The following CIMIP3 variants were observed in gnomAD, a reference collection of about 807,000 sequenced individuals.
CIMIP3 encodes the protein ciliary microtubule inner protein 3.
the CIMIP3 span, chr6:42,155,725 G>A: frequency 1.5e-6 from 1 of 688,676 alleles, no homozygotes; most frequent in Middle Eastern, 2.9e-4. Flanking sequence ...CCTCCATCTT[G>A]CTTCCTCTGC....
At chr6:42,155,579 A>T in the CIMIP3 span, 1 of 717,024 alleles carries the variant, frequency 1.4e-6, no homozygotes, top group African/African-American at 1.8e-5. Flanking sequence ...CCAGCCTCAC[A>T]TGTGCGGCTG....
chr6:42,155,523 G>T, the CIMIP3 span: 2 of 717,310 alleles, frequency 2.8e-6, no homozygotes, highest in Non-Finnish European at 5.2e-6. Flanking sequence ...GGTCAGCTCG[G>T]GGTCACAAGA....
the CIMIP3 span, among the ~76,000 whole-genome samples, chr6:42,160,868 T>G: frequency 2.0e-5 from 3 of 152,152 alleles, no homozygotes; most frequent in East Asian, 5.8e-4. Flanking sequence ...CTGGACAAGT[T>G]TGGGCTGGGC....
At chr6:42,163,066 C>T in the CIMIP3 span, 16 of 717,338 alleles carry the variant, frequency 2.2e-5, no homozygotes, top group Non-Finnish European at 3.9e-5. Flanking sequence ...TCGTTGTGGA[C>T]TCTAAGGGGC....
the CIMIP3 span, among the ~76,000 whole-genome samples, chr6:42,161,273 C>T: frequency 2.0e-5 from 3 of 152,300 alleles, no homozygotes; most frequent in South Asian, 6.2e-4. Flanking sequence ...GGCAGGAGCT[C>T]AACTTCCACT....
At chr6:42,163,093 C>T in the CIMIP3 span, 4 of 715,568 alleles carry the variant, frequency 5.6e-6, no homozygotes, top group Non-Finnish European at 1.0e-5. Context: ...CGGACAAGCT[C>T]AGGTTCAATT....
chr6:42,158,993 G>A, the CIMIP3 span, among the ~76,000 whole-genome samples: 9 of 152,160 alleles, frequency 5.9e-5, no homozygotes, highest in South Asian at 2.1e-4. Flanking sequence ...CTTCTGTGGC[G>A]TCAGGAGGAC....
chr6:42,159,658 C>T, the CIMIP3 span, among the ~76,000 whole-genome samples: 1 of 152,208 alleles, frequency 6.6e-6, no homozygotes, highest in African/African-American at 2.4e-5. Context: ...CACCTGCCAC[C>T]CAGCACACCT....
the CIMIP3 span, chr6:42,163,076 C>T: frequency 1.4e-6 from 1 of 716,950 alleles, no homozygotes. Flanking sequence ...CTCTAAGGGG[C>T]AGAATCCGGA....
At chr6:42,162,087 ATTCTTTTTTTTTTTTTTTT>A in the CIMIP3 span, among the ~76,000 whole-genome samples, 10 of 111,802 alleles carry the variant, frequency 8.9e-5, no homozygotes, top group African/African-American at 2.7e-4. Flanking sequence ...TGGAAGCCAC[ATTCTTTTTTTTTTTTTTTT>A]TTTTTTTTTT....
chr6:42,158,233 T>C, the CIMIP3 span, among the ~76,000 whole-genome samples: 5 of 152,244 alleles, frequency 3.3e-5, no homozygotes, highest in Admixed American at 3.3e-4. Context: ...CAGCCAGAGC[T>C]GGCTCTGCTA....
At chr6:42,162,782 T>C in the CIMIP3 span, 1 of 440,602 alleles carries the variant, frequency 2.3e-6, no homozygotes, top group Non-Finnish European at 4.1e-6. Context: ...CCTGGCTCCA[T>C]GGTCAGCACA....
chr6:42,157,561 T>TTC, the CIMIP3 span, among the ~76,000 whole-genome samples: 1 of 151,762 alleles, frequency 6.6e-6, no homozygotes. Flanking sequence ...TTTTTCTTTT[T>TTC]TTTTTTTTAA....
At chr6:42,162,179 C>T in the CIMIP3 span, among the ~76,000 whole-genome samples, 10 of 144,860 alleles carry the variant, frequency 6.9e-5, no homozygotes, top group East Asian at 2.0e-4. Context: ...TTTGGGAGGC[C>T]GAGGCGGGTG....
chr6:42,161,976 C>G, the CIMIP3 span, among the ~76,000 whole-genome samples: 1 of 151,586 alleles, frequency 6.6e-6, no homozygotes. Context: ...AACACCTGAG[C>G]CAAGGTACAG....
chr6:42,159,642 G>A, the CIMIP3 span, among the ~76,000 whole-genome samples: 1 of 152,202 alleles, frequency 6.6e-6, no homozygotes. Flanking sequence ...GGCAGCCTTG[G>A]CTAATCACCT....
the CIMIP3 span, among the ~76,000 whole-genome samples, chr6:42,156,076 C>T: frequency 0.29 from 43,617 of 151,842 alleles, 7,645 homozygotes; most frequent in Non-Finnish European, 0.39. Flanking sequence ...TAAGTGCAAC[C>T]TCCGCCTCCT....
chr6:42,158,213 G>A, the CIMIP3 span, among the ~76,000 whole-genome samples: 14 of 152,240 alleles, frequency 9.2e-5, no homozygotes, highest in Admixed American at 9.2e-4. Flanking sequence ...ATGCAGTCAG[G>A]CCCCACCCTC....
the CIMIP3 span, chr6:42,163,297 C>T: frequency 7.8e-5 from 39 of 497,596 alleles, no homozygotes; most frequent in East Asian, 8.5e-4. Flanking sequence ...ACCCCTGTGA[C>T]CTCAGGTCCC....
Sources: gnomAD v4.1 joint callset for allele counts (sites outside exome capture counted in the v4.1 genomes callset) on GRCh38, gnomAD v4.1.1 for gene constraint, MANE v1.5 for transcripts, NCBI Gene and HGNC (gene_info 2026-07-23, HGNC 2026-07-21) for gene names.